SAP130: variants seen among roughly 807,000 people sequenced by gnomAD.
SAP130 encodes Sin3A associated protein 130.
A neutral mutation model predicts 103.2 loss-of-function variants in SAP130; 16 were observed. That is an observed-to-expected ratio of 0.16 (90% confidence interval 0.10 to 0.24). The LOEUF (loss-of-function observed/expected upper bound fraction) is 0.24, where lower values mean the gene tolerates loss of function less well. Ranked by LOEUF, SAP130 falls within the 10% of genes least tolerant of loss-of-function variation. The pLI, the probability that SAP130 is intolerant of heterozygous loss-of-function variation, is 1.00. For synonymous variants in SAP130, 477 were observed against 497.0 expected, an observed-to-expected ratio of 0.96 and a Z score of 0.53; for missense variants, 990 against 1,359.7, an observed-to-expected ratio of 0.73 and a Z score of 4.28.
In SAP130 at chr2:127,953,717, C is replaced by T. The variant is rs1679646002; in HGVS notation, c.2422+1269G>A. Among the ~76,000 whole-genome samples the T allele has an allele frequency of 6.6e-6, 1 of 152,202 alleles. No individual in the cohort carries two copies. The highest frequency in any genetic ancestry group is 2.4e-5 in the African/African-American group (1 of 41,448). On this transcript the variant is annotated intron_variant, in intron 16 of 20. Transcript: ENST00000643581. The surrounding 1 kb of genome is among the most constrained non-coding windows in gnomAD (Gnocchi z 4.0). Reference sequence around the variant, plus strand: ...GGAATACCCTTTCCCCGGATATCCTCATGGCCAGGAACTTCATTTCTTTAA... The same window carrying T: ...GGAATACCCTTTCCCCGGATATCCTTATGGCCAGGAACTTCATTTCTTTAA...
intron 1 of SAP130, 57 bp from the exon 2 acceptor site, chr2:128,026,355 G>A (rs1685496810): frequency 7.9e-7 from 1 of 1,270,662 alleles, no homozygotes; most frequent in Non-Finnish European, 1.1e-6. Flanking sequence ...AATCAATACT[G>A]AGAAATTAAA....
chr2:127,958,747 A>G (rs1224951846), intron 15 of SAP130, among the ~76,000 whole-genome samples: 1 of 151,794 alleles, frequency 6.6e-6, no homozygotes, highest in Non-Finnish European at 1.5e-5. Flanking sequence ...CTGCAGCCTT[A>G]AACTCCCAGA....
At chr2:128,002,913 G>A (rs1338936629) in intron 7 of SAP130, among the ~76,000 whole-genome samples, 1 of 152,096 alleles carries the variant, frequency 6.6e-6, no homozygotes, top group African/African-American at 2.4e-5. Flanking sequence ...GATTGCTTGA[G>A]TCCAGGAGTT....
chr2:127,948,850 C>A (rs970131070), intron 18 of SAP130, among the ~76,000 whole-genome samples: 1 of 152,102 alleles, frequency 6.6e-6, no homozygotes. Flanking sequence ...GAGCGAGTCC[C>A]AATAAGCATT....
chr2:128,010,299 G>A lies in SAP130; in HGVS notation c.839C>T (p.Thr280Ile). The A allele has an allele frequency of 6.2e-7, 1 of 1,613,942 alleles. No individual in the cohort carries two copies. The highest frequency in any genetic ancestry group is 8.5e-7 in the Non-Finnish European group (1 of 1,179,970). Residue 280 changes from threonine (T) to isoleucine (I), a missense_variant, in exon 7 of 21, where the codon ACA (threonine) becomes ATA (isoleucine). Thr to Ile is a moderately conservative substitution (Grantham distance 89). Around this residue, in one of 6 missense-constraint regions of SAP130, gnomAD observed 336 missense variants for 520.1 expected, o/e 0.65. Transcript: ENST00000643581. Reference sequence around the variant, plus strand: ...TGCTGAATCAGTAGCATGCGCCGCTGTCGTAGTGATGACTGGAGACTGAGC... The same window carrying A: ...TGCTGAATCAGTAGCATGCGCCGCTATCGTAGTGATGACTGGAGACTGAGC... ...TRAQSPVITT[T>I]AAHATDSALS... is the part of the protein sequence containing the mutation.
rs200320264 is a variant in SAP130, at chr2:127,987,908, C to G, written c.1781-946G>C. Among the ~76,000 whole-genome samples, 3 of 152,194 alleles carry G rather than the reference C, an allele frequency of 2.0e-5. No homozygotes were observed. In the East Asian group the frequency reaches 5.8e-4, roughly 29 times the overall value. On this transcript the variant is annotated intron_variant, in intron 13 of 20. Coordinates refer to ENST00000643581, the MANE Select transcript of SAP130 (RefSeq NM_001330301.2). ...GCATGAGATCATAATCAGAAAATAC[C>G]TGTGTTTGACAGTTTTTGACCTATA...
intron 7 of SAP130, among the ~76,000 whole-genome samples, chr2:128,008,717 G>T (rs1013792403): frequency 6.6e-6 from 1 of 150,390 alleles, no homozygotes; most frequent in Admixed American, 6.6e-5. Flanking sequence ...ATGGGGTCTC[G>T]CTCTGTTGCC....
At chr2:127,958,472 T>C (rs1294684800) in intron 15 of SAP130, among the ~76,000 whole-genome samples, 2 of 152,194 alleles carry the variant, frequency 1.3e-5, no homozygotes, top group African/African-American at 2.4e-5. Flanking sequence ...ACAAAGATCA[T>C]TAAAGCGTTC....
intron 12 of SAP130, among the ~76,000 whole-genome samples, chr2:127,990,320 C>T (rs971783815): frequency 6.6e-5 from 10 of 151,580 alleles, no homozygotes; most frequent in African/African-American, 2.4e-4. Context: ...AGCAAGTGTC[C>T]TGTGTCTTAC....
chr2:127,954,745 A>G (rs947647273), intron 16 of SAP130, among the ~76,000 whole-genome samples: 7 of 152,230 alleles, frequency 4.6e-5, no homozygotes, highest in Non-Finnish European at 7.3e-5. Context: ...GGAAATATTA[A>G]TCTCTTTCAT....
chr2:127,966,684 T>C (rs1408345776), intron 15 of SAP130, among the ~76,000 whole-genome samples: 1 of 151,782 alleles, frequency 6.6e-6, no homozygotes, highest in Non-Finnish European at 1.5e-5. Flanking sequence ...ACCTGGGCAA[T>C]AGGAGTGAAA....
chr2:127,993,205 T>C lies in SAP130; in HGVS notation c.1459A>G (p.Thr487Ala). Residue 487 changes from threonine to alanine, a missense_variant, in exon 12 of 21, where the codon ACT (threonine) becomes GCT (alanine). Physicochemically the swap from Thr to Ala is moderately conservative, Grantham distance 58. This residue lies in a region of SAP130 where 336 missense variants were observed against 520.1 expected (regional missense o/e 0.65). Transcript: ENST00000643581. ...TYTPITSSVS[T>A]IRQYPVSAQA... ...CTCATACCTGGATACTGTCGGATAG[T>C]GGACACGGAACTGGTGATTGGGGTG... 1 of 1,614,028 alleles carries C rather than the reference T, an allele frequency of 6.2e-7. No individual in the cohort carries two copies. The highest frequency in any genetic ancestry group is 1.3e-5 in the African/African-American group (1 of 75,020).
intron 15 of SAP130, among the ~76,000 whole-genome samples, chr2:127,957,853 A>AT (rs898102859): frequency 3.3e-5 from 5 of 152,094 alleles, no homozygotes; most frequent in Admixed American, 2.6e-4. Context: ...GAGAGAAAAA[A>AT]TAAAAAAAAT....
rs1388679323 is a variant in SAP130, at chr2:127,941,886, C to T, written c.*120G>A. ...TGTCATGGGTTCCTCTGCTTTCACA[C>T]GGGAACTAAGGAACACTTCCTTTAT... On this transcript the variant is annotated 3_prime_UTR_variant, in exon 21 of 21. Coordinates refer to ENST00000643581, the MANE Select transcript of SAP130 (RefSeq NM_001330301.2). 2.6e-5 allele frequency: 24 copies of T among 914,310 alleles called. No homozygotes were observed. Among genetic ancestry groups the T allele is most frequent in the South Asian group, 2.1e-4 (14 of 65,948 alleles). The allele number at this position is 914,310 out of a possible 1,614,324, so 56.6% of individuals were successfully genotyped here.
At chr2:127,973,608 A>C (rs1339901855) in intron 15 of SAP130, among the ~76,000 whole-genome samples, 2 of 152,142 alleles carry the variant, frequency 1.3e-5, no homozygotes, top group African/African-American at 4.8e-5. Flanking sequence ...GATATTGCAA[A>C]AGTAAAACGA....
chr2:127,993,645 T>C (rs1682970159), intron 11 of SAP130, among the ~76,000 whole-genome samples: 1 of 152,158 alleles, frequency 6.6e-6, no homozygotes, highest in Admixed American at 6.6e-5. Context: ...TCAACTCAAA[T>C]TGGTTTTACT....
chr2:127,987,201 T>C (rs1559071200), intron 13 of SAP130, among the ~76,000 whole-genome samples: 2 of 152,232 alleles, frequency 1.3e-5, no homozygotes, highest in Non-Finnish European at 2.9e-5. Flanking sequence ...TTTTCTTTGT[T>C]TGAAAGAGAG....
At chr2:127,962,563 T>C (rs1049296300) in intron 15 of SAP130, among the ~76,000 whole-genome samples, 47 of 151,982 alleles carry the variant, frequency 3.1e-4, no homozygotes, top group African/African-American at 1.1e-3. Flanking sequence ...AAATGATGAG[T>C]TCATGTCCTT....
chr2:127,980,866 C>A (rs879690927), intron 14 of SAP130, among the ~76,000 whole-genome samples: 1 of 150,332 alleles, frequency 6.7e-6, no homozygotes, highest in African/African-American at 2.4e-5. Flanking sequence ...CACCACAGTC[C>A]AACCTGGGAG....
Sources: allele counts gnomAD v4.1 joint callset (sites outside exome capture counted in the v4.1 genomes callset), GRCh38; gene constraint gnomAD v4.1.1; regional missense constraint gnomAD v4.1.1; non-coding constraint Gnocchi (gnomAD v3.1); transcripts MANE v1.5; gene names NCBI Gene and HGNC (gene_info 2026-07-23, HGNC 2026-07-21).